The following FRMD5 variants were observed in gnomAD, a reference collection of about 807,000 sequenced individuals.
The protein encoded by FRMD5 is FERM domain containing 5, also known as FERM domain-containing protein 5.
In FRMD5, 20 loss-of-function variants were observed where a neutral mutation model predicts 69.0. The observed-to-expected ratio is 0.29, with a 90% CI of 0.20 to 0.42. The LOEUF is 0.42. Among genes scored for constraint, FRMD5 ranks in the 10% least tolerant of loss-of-function variants. The pLI is 1.00. For synonymous variants in FRMD5, 271 were observed against 260.1 expected (o/e 1.04, Z -0.40); for missense variants, 595 against 708.6 (o/e 0.84, Z 1.82).
intron 1 of FRMD5, among the ~76,000 whole-genome samples, chr15:43,973,162 A>G (rs528018136): frequency 1.3e-5 from 2 of 151,952 alleles, no homozygotes; most frequent in African/African-American, 4.8e-5. Flanking sequence ...AGCTGGGACT[A>G]CAGACGCCCG....
At chr15:44,177,780 G>A (rs2077924770) in intron 1 of FRMD5, among the ~76,000 whole-genome samples, 1 of 152,124 alleles carries the variant, frequency 6.6e-6, no homozygotes, top group Non-Finnish European at 1.5e-5. Flanking sequence ...ATTACATATT[G>A]TATGATTCCA....
At chr15:43,932,373 C>G (rs763113813) in intron 1 of FRMD5, among the ~76,000 whole-genome samples, 1 of 152,142 alleles carries the variant, frequency 6.6e-6, no homozygotes, top group Non-Finnish European at 1.5e-5. Flanking sequence ...TCTGCGTCTT[C>G]TTCTTACCCA....
At chr15:44,055,869 C>T (rs1202693311) in intron 1 of FRMD5, among the ~76,000 whole-genome samples, 2 of 152,188 alleles carry the variant, frequency 1.3e-5, no homozygotes, top group African/African-American at 2.4e-5. Context: ...CCAGCACTGA[C>T]GATTCTCTAA....
At chr15:44,002,769 G>A (rs1890269404) in intron 1 of FRMD5, among the ~76,000 whole-genome samples, 1 of 152,106 alleles carries the variant, frequency 6.6e-6, no homozygotes, top group South Asian at 2.1e-4. Context: ...GCGGCGCGGG[G>A]CTGTCTGCCT....
At chr15:44,060,699 T>C (rs565687238) in intron 1 of FRMD5, among the ~76,000 whole-genome samples, 28 of 152,282 alleles carry the variant, frequency 1.8e-4, no homozygotes, top group Admixed American at 5.2e-4. Context: ...GCAGAAATGA[T>C]AATTCTATGA....
intron 1 of FRMD5, among the ~76,000 whole-genome samples, chr15:44,139,028 T>C (rs1285272307): frequency 6.6e-6 from 1 of 152,106 alleles, no homozygotes; most frequent in African/African-American, 2.4e-5. Context: ...GACAAAAGTG[T>C]TGTAAAATTA....
At chr15:44,146,441 G>T (rs934407350) in intron 1 of FRMD5, among the ~76,000 whole-genome samples, 1 of 152,112 alleles carries the variant, frequency 6.6e-6, no homozygotes. Flanking sequence ...ATTGTGACTA[G>T]TGCTGCAGTG....
chr15:43,929,167 G>T (rs773959376), intron 1 of FRMD5, among the ~76,000 whole-genome samples: 1 of 152,130 alleles, frequency 6.6e-6, no homozygotes, highest in African/African-American at 2.4e-5. Flanking sequence ...TCCCTGGAAC[G>T]CCTGGTTCTG....
chr15:44,087,691 A>T (rs1393926459), intron 1 of FRMD5, among the ~76,000 whole-genome samples: 3 of 152,184 alleles, frequency 2.0e-5, no homozygotes, highest in Non-Finnish European at 2.9e-5. Context: ...TTAAATGCTT[A>T]GAATAGTGCC....
chr15:44,006,784 C>T (rs1368303702), intron 1 of FRMD5, among the ~76,000 whole-genome samples: 1 of 152,176 alleles, frequency 6.6e-6, no homozygotes, highest in Non-Finnish European at 1.5e-5. Context: ...TATGGATGAG[C>T]AGAGAAAGTG....
intron 1 of FRMD5, among the ~76,000 whole-genome samples, chr15:43,930,514 G>T (rs1371201063): frequency 1.3e-5 from 2 of 152,244 alleles, no homozygotes; most frequent in African/African-American, 2.4e-5. Context: ...TAACCATGTG[G>T]CTCCTGGAGG....
At chr15:43,975,604 C>T (rs1049188195) in intron 1 of FRMD5, among the ~76,000 whole-genome samples, 5 of 152,096 alleles carry the variant, frequency 3.3e-5, no homozygotes, top group African/African-American at 7.2e-5. Flanking sequence ...AACAATAAGA[C>T]GTTGCTGAGA....
chr15:43,984,992 AAAAC>A (rs1032042419), intron 1 of FRMD5, among the ~76,000 whole-genome samples: 3 of 150,614 alleles, frequency 2.0e-5, no homozygotes, highest in African/African-American at 7.4e-5. Context: ...GAAAAAAAAA[AAAAC>A]AAGGCCGGGC....
chr15:44,062,303 C>CCCCA (rs567228170), intron 1 of FRMD5, among the ~76,000 whole-genome samples: 75 of 152,250 alleles, frequency 4.9e-4, no homozygotes, highest in Admixed American at 3.9e-3. Flanking sequence ...ACACAAAATA[C>CCCCA]TGTATCCACC....
chr15:43,929,052 T>C (rs770617048), intron 1 of FRMD5, among the ~76,000 whole-genome samples: 5 of 152,206 alleles, frequency 3.3e-5, no homozygotes, highest in Non-Finnish European at 7.3e-5. Context: ...CTAGTGCATA[T>C]AGGTACAACC....
At position 43,946,422 on chromosome 15, in the gene FRMD5, C is replaced by G. The variant is rs540720059; in HGVS notation, c.103-22113G>C. Among the ~76,000 whole-genome samples, 18 of 152,306 alleles carry G rather than the reference C, an allele frequency of 1.2e-4. No homozygotes were observed. In the South Asian group the frequency reaches 3.7e-3, roughly 32 times the overall value. On this transcript the variant is annotated intron_variant, in intron 1 of 13. Coordinates refer to ENST00000417257, the MANE Select transcript of FRMD5 (RefSeq NM_032892.5). The stretch of plus-strand genomic sequence containing the variant: ...CGTTCAGGCTGGCAGAGTCTGAGCA[C>G]TAACTATGTGCCATGTACTTTATTT...
In FRMD5 at chr15:43,896,551, C is replaced by A. The variant is rs138403252; in HGVS notation, c.640-4482G>T. ...GTCAGTCAACACCAGCAAAGTTCAC[C>A]CTAGGATGATCACTCTGCCCAGGAA... On this transcript the variant is annotated intron_variant, in intron 7 of 13. Transcript: ENST00000417257. Among the ~76,000 whole-genome samples the A allele has an allele frequency of 2.0e-5, 3 of 152,172 alleles. No individual in the cohort carries two copies. The South Asian group carries it at 6.2e-4, about 31-fold the overall frequency.
At chr15:44,155,680 A>G (rs1462103693) in intron 1 of FRMD5, among the ~76,000 whole-genome samples, 1 of 150,152 alleles carries the variant, frequency 6.7e-6, no homozygotes. Flanking sequence ...TGCAACCTCC[A>G]CCTCCCAGGT....
intron 1 of FRMD5, among the ~76,000 whole-genome samples, chr15:44,066,140 ATCTTT>A (rs754051414): frequency 2.6e-5 from 4 of 152,164 alleles, no homozygotes; most frequent in Non-Finnish European, 4.4e-5. Context: ...TTTCTGCTTT[ATCTTT>A]TCAAGATTTT....
Sources: gnomAD v4.1 joint callset for allele counts (sites outside exome capture counted in the v4.1 genomes callset) on GRCh38, gnomAD v4.1.1 for gene constraint, MANE v1.5 for transcripts, NCBI Gene and HGNC (gene_info 2026-07-23, HGNC 2026-07-21) for gene names.